PRKN: variants seen among roughly 807,000 people sequenced by gnomAD.
PRKN encodes the protein parkin RBR E3 ubiquitin protein ligase, also known as E3 ubiquitin-protein ligase parkin.
Under a neutral mutation model 59.5 loss-of-function variants are expected in PRKN, and 56 were observed. That is an observed-to-expected ratio of 0.94 (90% CI 0.76 to 1.18). The LOEUF is 1.18. Ranked by LOEUF, PRKN falls within the 50% of genes most tolerant of loss-of-function variation. PRKN has a pLI of 0.00. For synonymous variants in PRKN, 250 were observed against 222.1 expected (o/e 1.13, Z -1.12); for missense variants, 657 against 596.4 (o/e 1.10, Z -1.06).
chr6:161,874,836 A>ATAATATATAAAATGT (rs1304433328), intron 6 of PRKN, among the ~76,000 whole-genome samples: 3 of 103,904 alleles, frequency 2.9e-5, no homozygotes, highest in African/African-American at 4.1e-5. Flanking sequence ...TAAAATGTAT[A>ATAATATATAAAATGT]ATATATAAAA....
chr6:161,612,011 G>A (rs1213143146), intron 7 of PRKN, among the ~76,000 whole-genome samples: 2 of 152,204 alleles, frequency 1.3e-5, no homozygotes, highest in Non-Finnish European at 2.9e-5. Context: ...ACTCCATTAA[G>A]CCAAAGCATA....
chr6:162,645,550 C>T (rs144710996), intron 1 of PRKN, among the ~76,000 whole-genome samples: 268 of 152,008 alleles, frequency 1.8e-3, no homozygotes, highest in African/African-American at 6.2e-3. Flanking sequence ...TTCTCTGATC[C>T]TATAAATTTT....
chr6:162,005,409 A>G (rs1782210951), intron 5 of PRKN, among the ~76,000 whole-genome samples: 1 of 152,200 alleles, frequency 6.6e-6, no homozygotes, highest in Admixed American at 6.5e-5. Context: ...TCATATCACT[A>G]AAAATTAAGT....
intron 1 of PRKN, among the ~76,000 whole-genome samples, chr6:162,575,849 A>G (rs538486514): frequency 1.3e-5 from 2 of 152,242 alleles, no homozygotes; most frequent in African/African-American, 4.8e-5. Context: ...CCAGAACAAG[A>G]GAACAATCGG....
At chr6:162,087,012 T>C (rs991030262) in intron 4 of PRKN, among the ~76,000 whole-genome samples, 1 of 152,204 alleles carries the variant, frequency 6.6e-6, no homozygotes, top group African/African-American at 2.4e-5. Context: ...GCAAATAATA[T>C]GCCACAGAGG....
At chr6:162,200,700 T>C (rs1159021592) in intron 4 of PRKN, among the ~76,000 whole-genome samples, 1 of 152,172 alleles carries the variant, frequency 6.6e-6, no homozygotes, top group Non-Finnish European at 1.5e-5. Flanking sequence ...TAACGTACAT[T>C]TGGTGCACCA....
chr6:162,673,498 A>G lies in PRKN; in HGVS notation c.7+54164T>C, dbSNP rs146394310. ...CTTCCTGGGCTCACACCGTGCTCCC[A>G]CTTCAGCCTCCCAAGTAGTTGGAAC... On this transcript the variant is annotated intron_variant, in intron 1 of 11. Transcript: ENST00000366898. Among the ~76,000 whole-genome samples the G allele has an allele frequency of 2.2e-3, 334 of 152,210 alleles. 2 individuals carry two copies. Among genetic ancestry groups the G allele is most frequent in the African/African-American group, 7.7e-3 (320 of 41,552 alleles).
At chr6:161,650,155 C>A (rs1784099355) in intron 7 of PRKN, among the ~76,000 whole-genome samples, 1 of 152,144 alleles carries the variant, frequency 6.6e-6, no homozygotes, top group Non-Finnish European at 1.5e-5. Context: ...CAAGCCAGCT[C>A]CTATGTTCTG....
At chr6:162,616,920 T>C (rs1251250360) in intron 1 of PRKN, among the ~76,000 whole-genome samples, 1 of 152,168 alleles carries the variant, frequency 6.6e-6, no homozygotes, top group East Asian at 1.9e-4. Context: ...TCCACAGGAA[T>C]AAATATTACA....
chr6:161,645,430 T>C (rs941676352), intron 7 of PRKN, among the ~76,000 whole-genome samples: 13 of 152,176 alleles, frequency 8.5e-5, no homozygotes, highest in African/African-American at 3.1e-4. Context: ...TTGGGATAAA[T>C]GATAACATTA....
In PRKN at chr6:162,658,428, G is replaced by A. The variant is rs999631888; in HGVS notation, c.7+69234C>T. ...GCTCACGCCAGCACTTTGGGAGACCGACGCGGGCAGATCACCTGAGGTAAG... is the reference window on the plus strand; with the variant it reads ...GCTCACGCCAGCACTTTGGGAGACCAACGCGGGCAGATCACCTGAGGTAAG... On this transcript the variant is annotated intron_variant, in intron 1 of 11. Transcript: ENST00000366898. Among the ~76,000 whole-genome samples the A allele has an allele frequency of 9.9e-5, 15 of 152,212 alleles. No individual in the cohort carries two copies. In the East Asian group the frequency reaches 2.5e-3, roughly 26 times the overall value.
At chr6:161,976,282 A>G (rs112336579) in intron 5 of PRKN, among the ~76,000 whole-genome samples, 3 of 152,150 alleles carry the variant, frequency 2.0e-5, no homozygotes, top group Non-Finnish European at 2.9e-5. Context: ...AGTCTCACCA[A>G]TCCCAGGTGG....
At chr6:161,674,003 G>A (rs966129278) in intron 7 of PRKN, among the ~76,000 whole-genome samples, 3 of 152,156 alleles carry the variant, frequency 2.0e-5, no homozygotes, top group African/African-American at 7.2e-5. Flanking sequence ...GGGTAAAGTT[G>A]GAGCTAAAGC....
rs775777258 is a variant in PRKN at position 161,887,277 on chromosome 6, A to G, written c.734+86025T>C. Among the ~76,000 whole-genome samples the G allele has an allele frequency of 3.3e-4, 49 of 149,724 alleles. 1 individual carries two copies. Among genetic ancestry groups the G allele is most frequent in the Admixed American group, 7.3e-4 (11 of 15,166 alleles). ...GTTACAGAGGTAGTACTGGAAGAGT[A>G]TTCACTCAATGTATGACTTACAAAA... On this transcript the variant is annotated intron_variant, in intron 6 of 11. Transcript: ENST00000366898.
chr6:161,354,383 C>T lies in PRKN; in HGVS notation c.1286-4172G>A, dbSNP rs139875888. On this transcript the variant is annotated intron_variant, in intron 11 of 11. Coordinates refer to ENST00000366898, the MANE Select transcript of PRKN (RefSeq NM_004562.3). The surrounding 1 kb of genome is among the most constrained non-coding windows in gnomAD (Gnocchi z 6.7). ...GACACTCAAACCATGAAAAGCTCAGCCTACGCCGGGCAGTCGACATCGTGG... is the reference window on the plus strand; with the variant it reads ...GACACTCAAACCATGAAAAGCTCAGTCTACGCCGGGCAGTCGACATCGTGG... Among the ~76,000 whole-genome samples the T allele has an allele frequency of 2.9e-3, 448 of 152,296 alleles. 4 individuals carry two copies. The highest frequency in any genetic ancestry group is 0.01 in the African/African-American group (435 of 41,552).
At chr6:162,686,897 C>A (rs1421832029) in intron 1 of PRKN, among the ~76,000 whole-genome samples, 1 of 151,984 alleles carries the variant, frequency 6.6e-6, no homozygotes, top group East Asian at 1.9e-4. Flanking sequence ...ATACAAGTAC[C>A]CTGTTGTTTT....
chr6:161,976,102 A>G (rs954020011), intron 5 of PRKN, among the ~76,000 whole-genome samples: 1 of 151,894 alleles, frequency 6.6e-6, no homozygotes, highest in Non-Finnish European at 1.5e-5. Flanking sequence ...ATGGGGTTTC[A>G]CCGTGTTGGC....
chr6:162,211,416 T>A (rs992950859), intron 3 of PRKN, among the ~76,000 whole-genome samples: 1 of 152,236 alleles, frequency 6.6e-6, no homozygotes, highest in African/African-American at 2.4e-5. Context: ...ACAAATTGAA[T>A]GTTATCCCAA....
chr6:162,635,762 A>AT (rs1394428781), intron 1 of PRKN, among the ~76,000 whole-genome samples: 1 of 152,178 alleles, frequency 6.6e-6, no homozygotes, highest in Non-Finnish European at 1.5e-5. Flanking sequence ...ACAGCCTCTG[A>AT]TGATTCCACC....
Sources: gnomAD v4.1 joint callset for allele counts (sites outside exome capture counted in the v4.1 genomes callset) on GRCh38, gnomAD v4.1.1 for gene constraint, Gnocchi (gnomAD v3.1) non-coding constraint, MANE v1.5 for transcripts, NCBI Gene and HGNC (gene_info 2026-07-23, HGNC 2026-07-21) for gene names.